MAP3K20: variants seen among roughly 807,000 people sequenced by gnomAD.
The protein encoded by MAP3K20 is HCCS-4.
Under a neutral mutation model 85.7 loss-of-function variants are expected in MAP3K20, and 40 were observed. That is an observed-to-expected ratio of 0.47 (90% CI 0.36 to 0.61). The LOEUF (loss-of-function observed/expected upper bound fraction) is 0.61. Among genes scored for constraint, MAP3K20 ranks in the 20% least tolerant of loss-of-function variants. The pLI is 0.00. For synonymous variants in MAP3K20, 325 were observed against 327.7 expected, an observed-to-expected ratio of 0.99 and a Z score of 0.09; for missense variants, 817 against 961.7, an observed-to-expected ratio of 0.85 and a Z score of 1.99.
At chr2:173,217,295 G>C in intron 11 of MAP3K20, 45 bp downstream of exon 11, 2 of 1,442,816 alleles carry the variant, frequency 1.4e-6, no homozygotes, top group East Asian at 2.5e-5. Context: ...GCGGCTCTAG[G>C]CTGCGCAGCT....
chr2:173,080,637 G>C (rs79609181), intron 1 of MAP3K20, among the ~76,000 whole-genome samples: 1 of 152,174 alleles, frequency 6.6e-6, no homozygotes, highest in East Asian at 1.9e-4. Context: ...TTACATTAGC[G>C]ATTAAGTAAT....
chr2:173,076,335 G>A (rs1454002949), intron 1 of MAP3K20, among the ~76,000 whole-genome samples: 1 of 152,124 alleles, frequency 6.6e-6, no homozygotes, highest in African/African-American at 2.4e-5. Flanking sequence ...GGCCGGAGCG[G>A]CCCCGGCTTT....
chr2:173,240,294 A>G (rs1230359796), intron 16 of MAP3K20, among the ~76,000 whole-genome samples: 1 of 152,152 alleles, frequency 6.6e-6, no homozygotes, highest in Non-Finnish European at 1.5e-5. Flanking sequence ...CCTTCCCTTG[A>G]GGGAAGCCAA....
intron 2 of MAP3K20, among the ~76,000 whole-genome samples, chr2:173,141,381 G>A (rs2106213895): frequency 6.6e-6 from 1 of 152,238 alleles, no homozygotes; most frequent in Admixed American, 6.5e-5. Context: ...AATTCAGCAG[G>A]AAGATGGAAA....
chr2:173,154,091 C>A (rs1489193864), intron 2 of MAP3K20, among the ~76,000 whole-genome samples: 1 of 152,102 alleles, frequency 6.6e-6, no homozygotes, highest in Non-Finnish European at 1.5e-5. Flanking sequence ...CCATTACCTG[C>A]CTGTTACCCT....
chr2:173,187,552 G>A lies in MAP3K20; in HGVS notation c.350-6G>A. The A allele has an allele frequency of 6.3e-7, 1 of 1,594,290 alleles. No individual in the cohort carries two copies. Among genetic ancestry groups the A allele is most frequent in the South Asian group, 1.2e-5 (1 of 86,602 alleles). ...AATAGGCCTTTATTTCTTCTTGTGT[G>A]AAAAGGAATGCATTATTTACATATG... is the stretch of plus-strand genomic sequence containing the variant. On this transcript the variant is annotated splice_polypyrimidine_tract_variant and splice_region_variant and intron_variant, in intron 4 of 19. Transcript: ENST00000375213.
chr2:173,096,154 T>TA (rs1447935565), intron 2 of MAP3K20, among the ~76,000 whole-genome samples: 11 of 152,190 alleles, frequency 7.2e-5, no homozygotes, highest in Admixed American at 2.0e-4. Context: ...CTTAAACACT[T>TA]CATCCTGTAT....
chr2:173,196,967 T>C (rs1441673993), intron 7 of MAP3K20, among the ~76,000 whole-genome samples: 1 of 146,014 alleles, frequency 6.8e-6, no homozygotes, highest in Non-Finnish European at 1.5e-5. Context: ...TTTTTTTTTT[T>C]AACTTTTTAA....
chr2:173,227,259 T>C, intron 11 of MAP3K20: 1 of 496,916 alleles, frequency 2.0e-6, no homozygotes, highest in South Asian at 8.6e-5. Context: ...TTTTCTCTCC[T>C]AAAGTCAGTG....
chr2:173,255,794 G>A (rs75912090), intron 16 of MAP3K20, among the ~76,000 whole-genome samples: 4,132 of 152,278 alleles, frequency 0.027, 91 homozygotes, highest in African/African-American at 0.057. Context: ...AAAAGAAACT[G>A]AACTAAGTAA....
chr2:173,255,568 G>C (rs888662013), intron 16 of MAP3K20, among the ~76,000 whole-genome samples: 1 of 152,160 alleles, frequency 6.6e-6, no homozygotes, highest in African/African-American at 2.4e-5. Context: ...AGCATAGTAA[G>C]CACTCCACAA....
chr2:173,208,078 A>T (rs2106300327), intron 9 of MAP3K20, among the ~76,000 whole-genome samples: 1 of 152,242 alleles, frequency 6.6e-6, no homozygotes, highest in African/African-American at 2.4e-5. Context: ...ATCCTTTATT[A>T]TATAATTAGT....
chr2:173,244,587 T>C (rs1684872138), intron 16 of MAP3K20, among the ~76,000 whole-genome samples: 1 of 152,176 alleles, frequency 6.6e-6, no homozygotes. Context: ...TATTATTGTC[T>C]TTGTAGTAAA....
chr2:173,097,374 AAAAC>A (rs1384775972), intron 2 of MAP3K20, among the ~76,000 whole-genome samples: 1 of 152,214 alleles, frequency 6.6e-6, no homozygotes, highest in Non-Finnish European at 1.5e-5. Context: ...TACAAAAACA[AAAAC>A]AAAACACAAT....
chr2:173,233,248 A>G (rs1440893811), intron 14 of MAP3K20, among the ~76,000 whole-genome samples: 1 of 152,218 alleles, frequency 6.6e-6, no homozygotes, highest in Non-Finnish European at 1.5e-5. Context: ...CCAAAGGGAA[A>G]CCTAAGCCAA....
chr2:173,096,117 T>A (rs1176176350), intron 2 of MAP3K20, among the ~76,000 whole-genome samples: 1 of 152,204 alleles, frequency 6.6e-6, no homozygotes, highest in African/African-American at 2.4e-5. Flanking sequence ...ACATTTCAAA[T>A]AAGTTGCAGG....
chr2:173,083,325 A>G (rs1012463702), intron 1 of MAP3K20, among the ~76,000 whole-genome samples: 9 of 152,098 alleles, frequency 5.9e-5, no homozygotes, highest in East Asian at 1.9e-4. Context: ...TTCTGTTCCT[A>G]TACCTAGTCT....
intron 18 of MAP3K20, 93 bp downstream of exon 18, chr2:173,261,230 T>C: frequency 1.5e-6 from 2 of 1,318,870 alleles, no homozygotes; most frequent in Non-Finnish European, 2.1e-6. Context: ...TATTGGGAGA[T>C]ATACCCAGAG....
intron 3 of MAP3K20, among the ~76,000 whole-genome samples, chr2:173,174,842 A>C (rs756347885): frequency 1.1e-4 from 16 of 152,212 alleles, no homozygotes; most frequent in Non-Finnish European, 1.9e-4. Context: ...TGTTTGAAAT[A>C]TCATGCTTTG....
Sources: allele counts gnomAD v4.1 joint callset (sites outside exome capture counted in the v4.1 genomes callset), GRCh38; gene constraint gnomAD v4.1.1; transcripts MANE v1.5; gene names NCBI Gene and HGNC (gene_info 2026-07-23, HGNC 2026-07-21).